Variants in SPOCK1 observed in about 807,000 individuals in gnomAD.
SPOCK1 encodes the protein SPARC (osteonectin), cwcv and kazal like domains proteoglycan 1.
In SPOCK1, 23 loss-of-function variants were observed where a neutral mutation model predicts 55.3. The observed-to-expected ratio is 0.42, with a 90% CI of 0.30 to 0.59. The LOEUF (loss-of-function observed/expected upper bound fraction) is 0.59, where lower values mean the gene tolerates loss of function less well. Among genes scored for constraint, SPOCK1 ranks in the 20% least tolerant of loss-of-function variants. SPOCK1 has a pLI of 0.22. For missense variants in SPOCK1, 499 were observed against 552.5 expected, an observed-to-expected ratio of 0.90 and a Z score of 0.97; for synonymous variants, 226 against 221.0, an observed-to-expected ratio of 1.02 and a Z score of -0.20.
intron 3 of SPOCK1, among the ~76,000 whole-genome samples, chr5:137,242,464 T>C (rs563013916): frequency 6.6e-6 from 1 of 152,350 alleles, no homozygotes; most frequent in African/African-American, 2.4e-5. Flanking sequence ...GAGGCTTCAC[T>C]AGCCATGTGG....
intron 2 of SPOCK1, among the ~76,000 whole-genome samples, chr5:137,329,220 C>A (rs1218412178): frequency 6.6e-6 from 1 of 152,152 alleles, no homozygotes; most frequent in African/African-American, 2.4e-5. Flanking sequence ...TTCCTGCCTT[C>A]AGACTGGAAC....
Position 137,046,851 on chromosome 5 carries a change from G to A in SPOCK1, c.589+20864C>T, listed in dbSNP as rs1225006161. Reference sequence around the variant, plus strand: ...TTATTGACAGTTTTTAGCATGAAGCGTTGTTGAATTTTGTCAAAGGCTTTT... The same window carrying A: ...TTATTGACAGTTTTTAGCATGAAGCATTGTTGAATTTTGTCAAAGGCTTTT... On this transcript the variant is annotated intron_variant, in intron 6 of 10. Transcript: ENST00000394945. Among the ~76,000 whole-genome samples the A allele has an allele frequency of 6.1e-4, 18 of 29,552 alleles. 4 individuals carry two copies. Among genetic ancestry groups the A allele is most frequent in the African/African-American group, 1.1e-3 (16 of 13,976 alleles). 19.4% of individuals were successfully genotyped at this position (29,552 alleles called of 152,430 possible).
intron 5 of SPOCK1, 44 bp downstream of exon 5, chr5:137,112,391 G>T (rs200409931): frequency 1.2e-6 from 2 of 1,603,468 alleles, no homozygotes; most frequent in Non-Finnish European, 1.7e-6. Flanking sequence ...AGAACAAGCC[G>T]ACATGAAGTA....
chr5:137,051,693 T>G (rs1306350146), intron 6 of SPOCK1, among the ~76,000 whole-genome samples: 1 of 152,026 alleles, frequency 6.6e-6, no homozygotes, highest in Non-Finnish European at 1.5e-5. Context: ...AAGAATAACC[T>G]GAGAAACTAT....
In SPOCK1 at chr5:136,988,609, G is replaced by A. The variant is rs748835194; in HGVS notation, c.741C>T (p.Asp247=). 4.3e-6 allele frequency: 7 copies of A among 1,613,646 alleles called. No individual in the cohort carries two copies. Among genetic ancestry groups the A allele is most frequent in the Non-Finnish European group, 5.1e-6 (6 of 1,179,786 alleles). The change falls in exon 8 of 11, where the codon GAC becomes GAT. Residue 247 remains aspartate, a synonymous_variant. Coordinates refer to ENST00000394945, the MANE Select transcript of SPOCK1 (RefSeq NM_004598.4). ...ACTTGTTGAACATCCAGCCCAGGGA[G>A]TCCTTGCAGATGGGCAGGATGCTAG... ...FDTSILPICK[D]SLGWMFNKLD...
At chr5:137,490,407 A>G (rs367570703) in intron 2 of SPOCK1, among the ~76,000 whole-genome samples, 26 of 152,330 alleles carry the variant, frequency 1.7e-4, no homozygotes, top group African/African-American at 6.3e-4. Context: ...AAGTATAGTG[A>G]TGCCAACATG....
chr5:137,095,993 G>T (rs543533404), intron 5 of SPOCK1, among the ~76,000 whole-genome samples: 2 of 152,040 alleles, frequency 1.3e-5, no homozygotes, highest in Admixed American at 6.5e-5. Context: ...GTGGGCAGGG[G>T]GAAGGAGGGA....
chr5:137,202,037 AC>A (rs1166432377), intron 3 of SPOCK1, among the ~76,000 whole-genome samples: 2 of 152,150 alleles, frequency 1.3e-5, no homozygotes, highest in African/African-American at 2.4e-5. Context: ...ATTCCAACCT[AC>A]AGGGGTGCTC....
chr5:137,218,087 G>A (rs1755755239), intron 3 of SPOCK1, among the ~76,000 whole-genome samples: 3 of 152,162 alleles, frequency 2.0e-5, no homozygotes, highest in African/African-American at 7.2e-5. Context: ...CTTCCCCACT[G>A]ACTTGTGACC....
intron 4 of SPOCK1, among the ~76,000 whole-genome samples, chr5:137,120,353 C>A (rs1293310626): frequency 6.6e-6 from 1 of 152,164 alleles, no homozygotes; most frequent in East Asian, 1.9e-4. Flanking sequence ...CATAATCAGG[C>A]CCACCAGAAG....
At chr5:137,144,981 T>G (rs17720142) in intron 3 of SPOCK1, among the ~76,000 whole-genome samples, 18,177 of 152,096 alleles carry the variant, frequency 0.12, 1,354 homozygotes, top group East Asian at 0.22. Flanking sequence ...CTTCTCTACC[T>G]CTTCTATCAC....
chr5:137,104,568 A>C (rs992914563), intron 5 of SPOCK1, among the ~76,000 whole-genome samples: 4 of 152,206 alleles, frequency 2.6e-5, no homozygotes, highest in African/African-American at 4.8e-5. Context: ...GGCCCACAGC[A>C]GGAAATAAGC....
intron 6 of SPOCK1, among the ~76,000 whole-genome samples, chr5:137,066,804 A>T (rs1256245681): frequency 1.3e-5 from 2 of 152,166 alleles, no homozygotes; most frequent in Non-Finnish European, 2.9e-5. Flanking sequence ...TAAACACAAT[A>T]TTCCTGAAGT....
At chr5:137,074,805 G>C (rs930647757) in intron 5 of SPOCK1, among the ~76,000 whole-genome samples, 9 of 151,848 alleles carry the variant, frequency 5.9e-5, no homozygotes, top group African/African-American at 1.9e-4. Flanking sequence ...CCCAGGTTCA[G>C]GCCATTCTCC....
intron 2 of SPOCK1, among the ~76,000 whole-genome samples, chr5:137,288,553 C>A (rs2127129374): frequency 6.6e-6 from 1 of 152,320 alleles, no homozygotes; most frequent in East Asian, 1.9e-4. Context: ...TCAGTGAATA[C>A]AGAGAGGGTC....
At chr5:137,203,465 C>T (rs1755462843) in intron 3 of SPOCK1, among the ~76,000 whole-genome samples, 1 of 152,096 alleles carries the variant, frequency 6.6e-6, no homozygotes, top group African/African-American at 2.4e-5. Flanking sequence ...CGATGAATGG[C>T]TCCAGGCCTA....
chr5:137,321,258 A>G (rs1580865666), intron 2 of SPOCK1, among the ~76,000 whole-genome samples: 1 of 152,088 alleles, frequency 6.6e-6, no homozygotes, highest in Non-Finnish European at 1.5e-5. Flanking sequence ...ACAGAGACCA[A>G]TAGGTATATT....
chr5:137,358,466 AGGG>A (rs1750868815), intron 2 of SPOCK1, among the ~76,000 whole-genome samples: 1 of 7,892 alleles, frequency 1.3e-4, no homozygotes, highest in Admixed American at 1.4e-3. Flanking sequence ...AGGGGAGGGG[AGGG>A]GAGGGGAGGG....
chr5:137,488,918 C>T (rs1448845176), intron 2 of SPOCK1, among the ~76,000 whole-genome samples: 1 of 152,120 alleles, frequency 6.6e-6, no homozygotes, highest in South Asian at 2.1e-4. Context: ...GCCCTTCCTC[C>T]CTTTCCCCAA....
Sources: gnomAD v4.1 joint callset for allele counts (sites outside exome capture counted in the v4.1 genomes callset) on GRCh38, gnomAD v4.1.1 for gene constraint, MANE v1.5 for transcripts, NCBI Gene and HGNC (gene_info 2026-07-23, HGNC 2026-07-21) for gene names.